Variants in CNTN5 observed in about 807,000 individuals in gnomAD.
CNTN5 encodes contactin-5.
In CNTN5, 77 loss-of-function variants were observed where a neutral mutation model predicts 129.1. That is an observed-to-expected ratio of 0.60 (90% CI 0.50 to 0.72). The LOEUF is 0.72. Among genes scored for constraint, CNTN5 ranks in the 30% least tolerant of loss-of-function variants. The pLI is 0.00. For synonymous variants in CNTN5, 509 were observed against 465.6 expected, an observed-to-expected ratio of 1.09 and a Z score of -1.20; for missense variants, 1,478 against 1,328.8, an observed-to-expected ratio of 1.11 and a Z score of -1.75.
rs573713285 is a variant in CNTN5, at chr11:99,189,829, G to T, written c.-209-135517G>T. On this transcript the variant is annotated intron_variant, in intron 1 of 24. Coordinates refer to ENST00000524871, the MANE Select transcript of CNTN5 (RefSeq NM_014361.4). Reference sequence around the variant, plus strand: ...TAACCCCTTATCATATGTATGGTTTGCACATATTTTCTCTCATTTTATAGG... The same window carrying T: ...TAACCCCTTATCATATGTATGGTTTTCACATATTTTCTCTCATTTTATAGG... Among the ~76,000 whole-genome samples the T allele has an allele frequency of 1.4e-3, 213 of 151,536 alleles. 2 individuals carry two copies. Among genetic ancestry groups the T allele is most frequent in the South Asian group, 0.013 (63 of 4,804 alleles).
At chr11:99,774,623 C>T (rs1945059868) in intron 3 of CNTN5, among the ~76,000 whole-genome samples, 1 of 151,988 alleles carries the variant, frequency 6.6e-6, no homozygotes. Flanking sequence ...TTCATGGGGT[C>T]TACAGACTTG....
chr11:100,078,147 C>T (rs763646201), intron 13 of CNTN5, among the ~76,000 whole-genome samples: 13 of 151,996 alleles, frequency 8.6e-5, no homozygotes, highest in Non-Finnish European at 1.5e-4. Context: ...TTTTCTACCA[C>T]GTTTTGAGTA....
At chr11:100,082,605 T>A (rs1944407078) in intron 13 of CNTN5, among the ~76,000 whole-genome samples, 1 of 152,140 alleles carries the variant, frequency 6.6e-6, no homozygotes, top group Non-Finnish European at 1.5e-5. Flanking sequence ...TGTGGGCTTT[T>A]TTAATTACAT....
At chr11:99,127,270 C>CT (rs1199401077) in intron 1 of CNTN5, among the ~76,000 whole-genome samples, 4 of 152,146 alleles carry the variant, frequency 2.6e-5, no homozygotes, top group African/African-American at 7.2e-5. Flanking sequence ...TGATTTTCTT[C>CT]TTTTTTCTTT....
chr11:100,052,635 A>C (rs1943018303), intron 9 of CNTN5, among the ~76,000 whole-genome samples: 1 of 151,974 alleles, frequency 6.6e-6, no homozygotes, highest in East Asian at 1.9e-4. Flanking sequence ...ATTCTCTCAC[A>C]GTTGATATAT....
chr11:99,031,883 A>G (rs1863400044), intron 1 of CNTN5, among the ~76,000 whole-genome samples: 1 of 149,906 alleles, frequency 6.7e-6, no homozygotes, highest in Non-Finnish European at 1.5e-5. Flanking sequence ...GTCATCTAGC[A>G]TTAGGTATAT....
chr11:99,399,064 A>T (rs1941669400), intron 2 of CNTN5, among the ~76,000 whole-genome samples: 1 of 151,796 alleles, frequency 6.6e-6, no homozygotes, highest in Non-Finnish European at 1.5e-5. Context: ...AAACCATATC[A>T]CTCTGATAGA....
chr11:99,431,362 T>C (rs1943363533), intron 2 of CNTN5, among the ~76,000 whole-genome samples: 1 of 152,154 alleles, frequency 6.6e-6, no homozygotes. Flanking sequence ...ACCCTCCCTG[T>C]TGAAAGCCAG....
chr11:99,187,945 C>T (rs1858437633), intron 1 of CNTN5, among the ~76,000 whole-genome samples: 1 of 151,696 alleles, frequency 6.6e-6, no homozygotes, highest in African/African-American at 2.4e-5. Flanking sequence ...CTTTTCCTTC[C>T]AGTGGTTACT....
chr11:99,486,206 C>G (rs1945805384), intron 2 of CNTN5, among the ~76,000 whole-genome samples: 1 of 151,880 alleles, frequency 6.6e-6, no homozygotes, highest in South Asian at 2.1e-4. Flanking sequence ...ATGTCTAGAC[C>G]AAGTTGATGT....
rs572484676 is a variant in CNTN5 at position 99,447,994 on chromosome 11, T to G, written c.-70-108151T>G. On this transcript the variant is annotated intron_variant, in intron 2 of 24. Coordinates refer to ENST00000524871, the MANE Select transcript of CNTN5 (RefSeq NM_014361.4). ...CCTCATAAATGTCAATTCATTATTGTAGAGAAAATCTCTAAAATTAGCATG... is the reference window on the plus strand; with the variant it reads ...CCTCATAAATGTCAATTCATTATTGGAGAGAAAATCTCTAAAATTAGCATG... Among the ~76,000 whole-genome samples the G allele has an allele frequency of 2.0e-5, 3 of 152,306 alleles. No individual in the cohort carries two copies. In the South Asian group the frequency reaches 6.2e-4, roughly 32 times the overall value.
At chr11:99,961,973 T>C (rs1034368635) in intron 8 of CNTN5, among the ~76,000 whole-genome samples, 2 of 146,356 alleles carry the variant, frequency 1.4e-5, no homozygotes, top group Non-Finnish European at 3.0e-5. Flanking sequence ...GAGAGACATA[T>C]AGATAGATAT....
intron 1 of CNTN5, among the ~76,000 whole-genome samples, chr11:99,238,893 T>A (rs994536909): frequency 2.0e-5 from 3 of 152,136 alleles, no homozygotes; most frequent in African/African-American, 7.2e-5. Flanking sequence ...AAATAATTTA[T>A]CATAATCATT....
intron 13 of CNTN5, among the ~76,000 whole-genome samples, chr11:100,186,149 T>C (rs978140115): frequency 3.9e-5 from 6 of 152,028 alleles, no homozygotes; most frequent in African/African-American, 1.4e-4. Context: ...TCTTTGAGTC[T>C]AGGAGTTTGA....
chr11:99,458,747 T>G (rs1162085920), intron 2 of CNTN5, among the ~76,000 whole-genome samples: 1 of 152,030 alleles, frequency 6.6e-6, no homozygotes, highest in South Asian at 2.1e-4. Flanking sequence ...GTGAGTCATT[T>G]CAAGAGAATG....
rs75572157 is a variant in CNTN5, at chr11:99,256,742, T to C, written c.-209-68604T>C. Among the ~76,000 whole-genome samples, 36 of 152,118 alleles carry C rather than the reference T, an allele frequency of 2.4e-4. 1 individual carries two copies. The East Asian group carries it at 6.8e-3, about 29-fold the overall frequency. On this transcript the variant is annotated intron_variant, in intron 1 of 24. Coordinates refer to ENST00000524871, the MANE Select transcript of CNTN5 (RefSeq NM_014361.4). ...ATAAAATAAAATTACAAGAACTACA[T>C]AGATAATATAAACAGAACAAATTAA...
At chr11:100,088,174 C>A (rs550666261) in intron 13 of CNTN5, among the ~76,000 whole-genome samples, 1 of 151,958 alleles carries the variant, frequency 6.6e-6, no homozygotes, top group Admixed American at 6.6e-5. Context: ...TCCTCAGAGA[C>A]TATTATGAAC....
chr11:99,818,127 G>GT (rs1946653922), intron 3 of CNTN5, among the ~76,000 whole-genome samples: 1 of 152,022 alleles, frequency 6.6e-6, no homozygotes. Context: ...AAATATCTCT[G>GT]TAAGACAGCA....
chr11:99,179,862 C>G (rs767778966), intron 1 of CNTN5, among the ~76,000 whole-genome samples: 1 of 152,120 alleles, frequency 6.6e-6, no homozygotes, highest in East Asian at 1.9e-4. Context: ...GTGTAAGTGA[C>G]TTTAGATAGA....
Sources: allele counts gnomAD v4.1 joint callset (sites outside exome capture counted in the v4.1 genomes callset), GRCh38; gene constraint gnomAD v4.1.1; transcripts MANE v1.5; gene names NCBI Gene and HGNC (gene_info 2026-07-23, HGNC 2026-07-21).